Variants in COL27A1 observed in about 807,000 individuals in gnomAD.
The protein encoded by COL27A1 is collagen alpha-1(XXVII) chain.
A neutral mutation model predicts 251.3 loss-of-function variants in COL27A1; 106 were observed. The observed-to-expected ratio is 0.42, with a 90% CI of 0.36 to 0.50. COL27A1 has a LOEUF of 0.50. Among genes scored for constraint, COL27A1 ranks in the 20% least tolerant of loss-of-function variants. The pLI is 0.00. For missense variants in COL27A1, 2,325 were observed against 2,522.8 expected, an observed-to-expected ratio of 0.92 and a Z score of 1.68; for synonymous variants, 1,000 against 986.3, an observed-to-expected ratio of 1.01 and a Z score of -0.26.
chr9:114,288,667 G>T (rs774426795), intron 42 of COL27A1, 35 bp from the exon 43 acceptor site: 2 of 1,598,780 alleles, frequency 1.3e-6, no homozygotes, highest in Non-Finnish European at 1.7e-6. Context: ...TTGGCACCTG[G>T]TGGCCCAAAT....
intron 58 of COL27A1, 67 bp from the exon 59 acceptor site, chr9:114,307,602 C>A: frequency 8.8e-7 from 1 of 1,135,498 alleles, no homozygotes; most frequent in Non-Finnish European, 1.3e-6. Context: ...CAGGGTCCAT[C>A]TACAGAACCA....
chr9:114,291,978 C>T (rs1317575073), intron 48 of COL27A1, 125 bp from the exon 49 acceptor site: 2 of 840,170 alleles, frequency 2.4e-6, no homozygotes, highest in Non-Finnish European at 3.9e-6. Context: ...TTTGTTGCCC[C>T]AGCATTCTGC....
chr9:114,249,381 G>A (rs958645162), intron 24 of COL27A1, among the ~76,000 whole-genome samples: 1 of 152,212 alleles, frequency 6.6e-6, no homozygotes, highest in East Asian at 1.9e-4. Context: ...CAGGGAACCA[G>A]GGGCAGGTGC....
chr9:114,267,673 TCTGTGCTC>T, intron 34 of COL27A1, 116 bp downstream of exon 34: 1 of 970,712 alleles, frequency 1.0e-6, no homozygotes, highest in Non-Finnish European at 1.5e-6. Flanking sequence ...TAATGGGTTC[TCTGTGCTC>T]CTGGCTGGGG....
intron 5 of COL27A1, among the ~76,000 whole-genome samples, chr9:114,188,677 G>C (rs1176711411): frequency 6.6e-6 from 1 of 152,082 alleles, no homozygotes; most frequent in Non-Finnish European, 1.5e-5. Context: ...AATATGCCTT[G>C]CACATGAGAG....
intron 18 of COL27A1, 77 bp downstream of exon 18, chr9:114,237,111 A>G (rs1047399107): frequency 3.1e-5 from 42 of 1,363,222 alleles, no homozygotes; most frequent in Non-Finnish European, 4.2e-5. Context: ...GGACACCTTC[A>G]CCTCCAAGAC....
At chr9:114,269,212 C>G (rs199894669) in intron 34 of COL27A1, 29 bp from the exon 35 acceptor site, 53 of 1,562,868 alleles carry the variant, frequency 3.4e-5, no homozygotes, top group Non-Finnish European at 4.5e-5. Flanking sequence ...CCTACCCACC[C>G]GCAAGGACTT....
At chr9:114,201,600 G>A (rs184995303) in intron 7 of COL27A1, among the ~76,000 whole-genome samples, 3 of 152,334 alleles carry the variant, frequency 2.0e-5, no homozygotes, top group East Asian at 1.9e-4. Context: ...GAGTCCTAGG[G>A]AAAAGTACTG....
In COL27A1 at chr9:114,159,727, A is replaced by G. The variant is rs927026377; in HGVS notation, c.63-2988A>G. On this transcript the variant is annotated intron_variant, in intron 1 of 60. Transcript: ENST00000356083. ...AGCTCTTCCCTAATGTATCTGGCCA[A>G]TTTCCTAGAAAGCATGTCCCTGGTG... Among the ~76,000 whole-genome samples, 7 of 152,206 alleles carry G rather than the reference A, an allele frequency of 4.6e-5. No individual in the cohort carries two copies. In the East Asian group the frequency reaches 5.8e-4, roughly 13 times the overall value.
chr9:114,287,915 C>A (rs1463915590), intron 41 of COL27A1, among the ~76,000 whole-genome samples: 1 of 152,088 alleles, frequency 6.6e-6, no homozygotes, highest in Non-Finnish European at 1.5e-5. Flanking sequence ...TGCTTCACAG[C>A]ACTGCACTGC....
intron 5 of COL27A1, among the ~76,000 whole-genome samples, chr9:114,189,178 T>C (rs1173829488): frequency 6.6e-6 from 1 of 152,240 alleles, no homozygotes; most frequent in African/African-American, 2.4e-5. Flanking sequence ...ATATTCCTTG[T>C]AATTTCATAA....
chr9:114,270,655 G>A, intron 35 of COL27A1, 73 bp from the exon 36 acceptor site: 1 of 1,214,132 alleles, frequency 8.2e-7, no homozygotes, highest in Non-Finnish European at 1.2e-6. Flanking sequence ...CCAGGGAGGG[G>A]GAAGAGAGGA....
chr9:114,217,760 C>T (rs1379752802), intron 12 of COL27A1: 1 of 470,732 alleles, frequency 2.1e-6, no homozygotes, highest in Non-Finnish European at 4.4e-6. Flanking sequence ...TTGCTTTCCT[C>T]TCCTACCAGG....
Position 114,288,681 on chromosome 9 carries a change from G to A in COL27A1, c.4045-21G>A, listed in dbSNP as rs767392705. 227 of 1,603,580 alleles carry A rather than the reference G, an allele frequency of 1.4e-4. 1 individual carries two copies. The Admixed American group carries it at 3.8e-3, about 27-fold the overall frequency. On this transcript the variant is annotated intron_variant, in intron 42 of 60. Coordinates refer to ENST00000356083, the MANE Select transcript of COL27A1 (RefSeq NM_032888.4). ...CTTGGCACCTGGTGGCCCAAATTTT[G>A]CTGTTGTCTTTGTCATTCAGGGCCC...
chr9:114,202,349 C>G (rs1170536677), intron 7 of COL27A1, among the ~76,000 whole-genome samples: 1 of 152,174 alleles, frequency 6.6e-6, no homozygotes, highest in African/African-American at 2.4e-5. Context: ...GGTTCTTGCC[C>G]TGTTACTCCA....
intron 12 of COL27A1, among the ~76,000 whole-genome samples, chr9:114,215,734 T>C (rs1054555743): frequency 7.9e-5 from 12 of 152,298 alleles, no homozygotes; most frequent in Admixed American, 3.3e-4. Context: ...TCCAAGATCC[T>C]TTTGCGGGCT....
chr9:114,273,763 G>C (rs1280794856), intron 36 of COL27A1: 2 of 152,284 alleles, frequency 1.3e-5, no homozygotes, highest in East Asian at 3.9e-4. Flanking sequence ...CAGCAGCCAT[G>C]CCCGTGCTGC....
intron 4 of COL27A1, among the ~76,000 whole-genome samples, chr9:114,178,779 C>A (rs1408376917): frequency 6.6e-6 from 1 of 152,138 alleles, no homozygotes; most frequent in East Asian, 1.9e-4. Flanking sequence ...GAGTTGAGTT[C>A]CTCCTGCTGG....
chr9:114,306,423 T>C, intron 57 of COL27A1, 97 bp from the exon 58 acceptor site: 1 of 1,266,854 alleles, frequency 7.9e-7, no homozygotes, highest in Non-Finnish European at 1.1e-6. Flanking sequence ...GGAACCGAGA[T>C]ACCTCCCAGG....
Sources: gnomAD v4.1 joint callset for allele counts (sites outside exome capture counted in the v4.1 genomes callset) on GRCh38, gnomAD v4.1.1 for gene constraint, MANE v1.5 for transcripts, NCBI Gene and HGNC (gene_info 2026-07-23, HGNC 2026-07-21) for gene names.